The following TMEM135 variants were observed in gnomAD, a reference collection of about 807,000 sequenced individuals.
TMEM135 encodes transmembrane protein 135.
TMEM135 carries 30 observed loss-of-function variants against 60.3 expected under a neutral mutation model. That is an observed-to-expected ratio of 0.50 (90% CI 0.37 to 0.68). The LOEUF is 0.68. Among genes scored for constraint, TMEM135 ranks in the 30% least tolerant of loss-of-function variants. The pLI is 0.00. For missense variants in TMEM135, 468 were observed against 548.8 expected, an observed-to-expected ratio of 0.85 and a Z score of 1.47; for synonymous variants, 190 against 186.7, an observed-to-expected ratio of 1.02 and a Z score of -0.14.
chr11:87,239,382 C>G (rs1290814466), intron 6 of TMEM135, among the ~76,000 whole-genome samples: 3 of 151,926 alleles, frequency 2.0e-5, no homozygotes, highest in African/African-American at 7.2e-5. Flanking sequence ...TACAACCAAA[C>G]AAAACAATAT....
intron 4 of TMEM135, among the ~76,000 whole-genome samples, chr11:87,100,689 C>T (rs1184194992): frequency 6.6e-6 from 1 of 152,114 alleles, no homozygotes; most frequent in Non-Finnish European, 1.5e-5. Context: ...TGGTGAAACT[C>T]CGTATCTACT....
At chr11:87,101,986 C>T (rs1223755559) in intron 4 of TMEM135, among the ~76,000 whole-genome samples, 2 of 152,152 alleles carry the variant, frequency 1.3e-5, no homozygotes, top group African/African-American at 4.8e-5. Context: ...GGAAAAAAAA[C>T]AAAAGAAGAA....
rs1265616698 is a variant in TMEM135, at chr11:87,071,514, G to A, written c.270-9G>A. On this transcript the variant is annotated splice_polypyrimidine_tract_variant and intron_variant, in intron 2 of 14. Transcript: ENST00000305494. Reference sequence around the variant, plus strand: ...AATTTCATACAAAAATTCCAAATTTGAATTTCAGGAAGATACTTGGAAAAT... The same window carrying A: ...AATTTCATACAAAAATTCCAAATTTAAATTTCAGGAAGATACTTGGAAAAT... 6.2e-7 allele frequency: 1 copy of A among 1,612,670 alleles called. No individual in the cohort carries two copies. The highest frequency in any genetic ancestry group is 2.2e-5 in the East Asian group (1 of 44,842).
chr11:87,327,101 C>G lies in TMEM135; in HGVS notation c.*5768C>G, dbSNP rs1326656354. On this transcript the variant is annotated 3_prime_UTR_variant, in exon 15 of 15. Transcript: ENST00000305494. Reference sequence around the variant, plus strand: ...CATAATTGTTCTAGGCCTTTCATGTCTTTCCTTTCTTCTTGTCCAGATACT... The same window carrying G: ...CATAATTGTTCTAGGCCTTTCATGTGTTTCCTTTCTTCTTGTCCAGATACT... The G allele has an allele frequency of 2.2e-6, 1 of 453,838 alleles. No individual in the cohort carries two copies. Among genetic ancestry groups the G allele is most frequent in the Non-Finnish European group, 4.4e-6 (1 of 226,764 alleles). 28.1% of individuals were successfully genotyped at this position (453,838 alleles called of 1,614,324 possible). A position where few individuals can be genotyped will look rare whatever the true frequency, so the allele number is the denominator to read the frequency against.
intron 3 of TMEM135, among the ~76,000 whole-genome samples, chr11:87,073,250 G>C (rs1224406096): frequency 6.6e-6 from 1 of 152,052 alleles, no homozygotes; most frequent in Non-Finnish European, 1.5e-5. Context: ...GGCCAGTATG[G>C]TCTTGATCTC....
intron 4 of TMEM135, among the ~76,000 whole-genome samples, chr11:87,114,557 C>A (rs541334816): frequency 6.6e-6 from 1 of 152,160 alleles, no homozygotes; most frequent in South Asian, 2.1e-4. Flanking sequence ...ACTTGTAGAG[C>A]AGTACAGTTT....
At chr11:87,099,972 A>C (rs2445542) in intron 4 of TMEM135, among the ~76,000 whole-genome samples, 83,192 of 151,820 alleles carry the variant, frequency 0.55, 23,595 homozygotes, top group East Asian at 0.71. Flanking sequence ...TGAGCCACCA[A>C]GTTTAGTTTT....
rs763189611 is a variant in TMEM135, at chr11:87,323,909, A to G, written c.*2576A>G. The G allele has an allele frequency of 2.0e-5, 9 of 453,412 alleles. No individual in the cohort carries two copies. Among genetic ancestry groups the G allele is most frequent in the East Asian group, 6.9e-5 (1 of 14,412 alleles). The allele number at this position is 453,412 out of a possible 1,614,324, so 28.1% of individuals were successfully genotyped here. A position where few individuals can be genotyped will look rare whatever the true frequency, so the allele number is the denominator to read the frequency against. ...GCTTCTGTAACTTTTTTCTTGAACT[A>G]TAAGCATAGTCATCACTCAGTTGAT... is the stretch of plus-strand genomic sequence containing the variant. On this transcript the variant is annotated 3_prime_UTR_variant, in exon 15 of 15. Transcript: ENST00000305494.
At chr11:87,148,738 A>G (rs983918483) in intron 4 of TMEM135, among the ~76,000 whole-genome samples, 27 of 152,202 alleles carry the variant, frequency 1.8e-4, no homozygotes, top group African/African-American at 6.0e-4. Context: ...ATCATTAATA[A>G]TAGAATAAAT....
At chr11:87,312,579 TAC>T (rs1409767183) in intron 10 of TMEM135, among the ~76,000 whole-genome samples, 1 of 151,978 alleles carries the variant, frequency 6.6e-6, no homozygotes, top group African/African-American at 2.4e-5. Flanking sequence ...GCTCTGCTGT[TAC>T]AGTCTGAAAG....
rs1360533797 is a variant in TMEM135, at chr11:87,324,958, A to G, written c.*3625A>G. On this transcript the variant is annotated 3_prime_UTR_variant, in exon 15 of 15. Coordinates refer to ENST00000305494, the MANE Select transcript of TMEM135 (RefSeq NM_022918.4). The stretch of plus-strand genomic sequence containing the variant: ...GGAATAAGAAGTGATTATTTTCTTT[A>G]GGGCTGCACTTTGAATGTGATGAGT... 1 of 454,056 alleles carries G rather than the reference A, an allele frequency of 2.2e-6. No individual in the cohort carries two copies. Among genetic ancestry groups the G allele is most frequent in the East Asian group, 6.9e-5 (1 of 14,396 alleles). The allele number at this position is 454,056 out of a possible 1,614,324, so 28.1% of individuals were successfully genotyped here. A position where few individuals can be genotyped will look rare whatever the true frequency, so the allele number is the denominator to read the frequency against.
chr11:87,038,640 G>A (rs79335798), intron 1 of TMEM135, among the ~76,000 whole-genome samples: 1 of 138,226 alleles, frequency 7.2e-6, no homozygotes, highest in Admixed American at 7.5e-5. Context: ...AATGAAGAAG[G>A]CATATTTGGC....
chr11:87,326,847 C>T lies in TMEM135; in HGVS notation c.*5514C>T. ...TCAGGGATAGCACTAAGGCTCTCTT[C>T]AGAACCAAAGGGCAGGATAAATAAA... On this transcript the variant is annotated 3_prime_UTR_variant, in exon 15 of 15. Coordinates refer to ENST00000305494, the MANE Select transcript of TMEM135 (RefSeq NM_022918.4). The T allele has an allele frequency of 2.2e-6, 1 of 450,866 alleles. No individual in the cohort carries two copies. The highest frequency in any genetic ancestry group is 4.4e-6 in the Non-Finnish European group (1 of 226,218). 27.9% of individuals were successfully genotyped at this position (450,866 alleles called of 1,614,324 possible).
At chr11:87,247,515 G>C (rs1203151006) in intron 6 of TMEM135, among the ~76,000 whole-genome samples, 1 of 152,114 alleles carries the variant, frequency 6.6e-6, no homozygotes, top group Non-Finnish European at 1.5e-5. Flanking sequence ...CACCCAGTTC[G>C]AGCTTCCCAG....
chr11:87,042,329 C>T (rs1483327445), intron 1 of TMEM135, among the ~76,000 whole-genome samples: 1 of 152,134 alleles, frequency 6.6e-6, no homozygotes, highest in Non-Finnish European at 1.5e-5. Context: ...GCAGGACCCT[C>T]TCTGGAATGG....
chr11:87,056,072 A>G (rs1041906508), intron 1 of TMEM135, among the ~76,000 whole-genome samples: 1 of 152,212 alleles, frequency 6.6e-6, no homozygotes, highest in African/African-American at 2.4e-5. Flanking sequence ...GTGCTCTGCT[A>G]CAAGGGTTTG....
chr11:87,157,326 T>C lies in TMEM135; in HGVS notation c.397-15T>C. On this transcript the variant is annotated splice_polypyrimidine_tract_variant and intron_variant, in intron 4 of 14. Coordinates refer to ENST00000305494, the MANE Select transcript of TMEM135 (RefSeq NM_022918.4). ...AGATCATATATTTTTGCTGTTTTTT[T>C]TTTTTAATTTACAGGCCACAGAAAC... The C allele has an allele frequency of 2.5e-6, 4 of 1,612,014 alleles. No homozygotes were observed. The highest frequency in any genetic ancestry group is 3.4e-6 in the Non-Finnish European group (4 of 1,178,784).
chr11:87,190,460 A>G (rs1170727448), intron 5 of TMEM135, among the ~76,000 whole-genome samples: 2 of 152,134 alleles, frequency 1.3e-5, no homozygotes, highest in African/African-American at 2.4e-5. Flanking sequence ...ATAATTGGAA[A>G]ATTTGAAACT....
chr11:87,304,020 G>A (rs1942492088), intron 8 of TMEM135, among the ~76,000 whole-genome samples: 1 of 152,114 alleles, frequency 6.6e-6, no homozygotes, highest in Non-Finnish European at 1.5e-5. Context: ...CCATTTATGA[G>A]TGACTAAGAA....
Sources: allele counts gnomAD v4.1 joint callset (sites outside exome capture counted in the v4.1 genomes callset), GRCh38; gene constraint gnomAD v4.1.1; transcripts MANE v1.5; gene names NCBI Gene and HGNC (gene_info 2026-07-23, HGNC 2026-07-21).